Variants in PRH1 observed in about 807,000 individuals in gnomAD.
PRH1 encodes salivary acidic proline-rich phosphoprotein 1/2.
Under a neutral mutation model 7.9 loss-of-function variants are expected in PRH1, and 7 were observed. That is an observed-to-expected ratio of 0.89 (90% confidence interval 0.50 to 1.67). The LOEUF (loss-of-function observed/expected upper bound fraction) is 1.67. Among genes scored for constraint, PRH1 ranks in the 40% most tolerant of loss-of-function variants. The probability of loss-of-function intolerance (pLI) is 0.00; values close to 1 mark genes in which losing one functional copy is unlikely to be tolerated. For missense variants in PRH1, 109 were observed against 223.6 expected, an observed-to-expected ratio of 0.49 and a Z score of 3.27; for synonymous variants, 45 against 80.8, an observed-to-expected ratio of 0.56 and a Z score of 2.38.
chr12:11,061,742 A>C, intron 1 of PRH1: 1 of 1,614,090 alleles, frequency 6.2e-7, no homozygotes, highest in Non-Finnish European at 8.5e-7. Flanking sequence ...AAGGGAACTA[A>C]GTTTGCTAGG....
At chr12:11,015,539 A>C (rs1266331557) in intron 1 of PRH1, among the ~76,000 whole-genome samples, 1 of 152,210 alleles carries the variant, frequency 6.6e-6, no homozygotes, top group African/African-American at 2.4e-5. Context: ...AATTGCCTCC[A>C]GTAAACCAGA....
intron 1 of PRH1, among the ~76,000 whole-genome samples, chr12:10,976,839 A>G (rs1381359536): frequency 6.6e-6 from 1 of 152,168 alleles, no homozygotes; most frequent in Non-Finnish European, 1.5e-5. Context: ...ATTCCCGGGC[A>G]TATACAACCT....
At chr12:11,041,863 A>G (rs186301325) in intron 1 of PRH1, among the ~76,000 whole-genome samples, 1 of 152,330 alleles carries the variant, frequency 6.6e-6, no homozygotes, top group East Asian at 1.9e-4. Flanking sequence ...ATGAAACAAT[A>G]TGCTCCTGAA....
chr12:10,930,362 C>T lies in PRH1; in HGVS notation c.-59+43293G>A, dbSNP rs77915128. 5 of 1,565,182 alleles carry T rather than the reference C, an allele frequency of 3.2e-6. No homozygotes were observed. The African/African-American group carries it at 5.4e-5, about 17-fold the overall frequency. ...CTCCATTTTTCCCTGAAAAATTGAT[C>T]AGTTCTCCAGTGTCTTCTTATCATC... On this transcript the variant is annotated intron_variant, in intron 2 of 3. Transcript: ENST00000539853.
intron 2 of PRH1, among the ~76,000 whole-genome samples, chr12:10,949,629 A>G (rs1246010278): frequency 4.6e-5 from 7 of 152,172 alleles, no homozygotes; most frequent in African/African-American, 1.7e-4. Flanking sequence ...GTTTTGGCTT[A>G]ATTTTTTATT....
rs35831115 is a variant in PRH1 at position 11,034,194 on chromosome 12, C to A, written c.-126+12826G>T. Among the ~76,000 whole-genome samples, 4 of 32,296 alleles carry A rather than the reference C, an allele frequency of 1.2e-4. No homozygotes were observed. In the Admixed American group the frequency reaches 1.4e-3, roughly 11 times the overall value. 21.2% of individuals were successfully genotyped at this position (32,296 alleles called of 152,430 possible). A position where few individuals can be genotyped will look rare whatever the true frequency, so the allele number is the denominator to read the frequency against. On this transcript the variant is annotated intron_variant, in intron 1 of 3. Coordinates refer to the PRH1 transcript ENST00000539853. ...TGAAATTTAGTCACATAGTTGCAAGCACATGTGATTTTTTTTCACTTCTCT... is the reference window on the plus strand; with the variant it reads ...TGAAATTTAGTCACATAGTTGCAAGAACATGTGATTTTTTTTCACTTCTCT...
chr12:11,022,457 G>C lies in PRH1; in HGVS notation c.-126+24563C>G, dbSNP rs146593308. ...ATTTGCTCAGCTGAGGAGATCTTTC[G>C]TGTGTTAACCCAGTCAATGACATTT... On this transcript the variant is annotated intron_variant, in intron 1 of 3. Coordinates refer to the PRH1 transcript ENST00000539853. 6 of 1,613,934 alleles carry C rather than the reference G, an allele frequency of 3.7e-6. No homozygotes were observed. The African/African-American group carries it at 4.0e-5, about 11-fold the overall frequency.
intron 1 of PRH1, among the ~76,000 whole-genome samples, chr12:10,999,914 C>T (rs147635886): frequency 6.6e-6 from 1 of 152,082 alleles, no homozygotes; most frequent in East Asian, 1.9e-4. Context: ...TTTCTTTTCA[C>T]CTCTATATAC....
rs1350058087 is a variant in PRH1 at position 11,095,075 on chromosome 12, A to ATT, written n.124-47889_124-47888dup. Among the ~76,000 whole-genome samples, 91 of 39,242 alleles carry ATT rather than the reference A, an allele frequency of 2.3e-3. 6 individuals are homozygous for ATT. The highest frequency in any genetic ancestry group is 7.1e-3 in the African/African-American group (86 of 12,078). The allele number at this position is 39,242 out of a possible 152,430, so 25.7% of individuals were successfully genotyped here. On this transcript the variant is annotated intron_variant and non_coding_transcript_variant, in intron 1 of 4. Transcript: ENST00000541977. Reference sequence around the variant, plus strand: ...TTGTTTGTGGCTTCCTGAACTCAACATTATGTTTCTGAAATTTAGTCACAT... The same window carrying ATT: ...TTGTTTGTGGCTTCCTGAACTCAACATTTTATGTTTCTGAAATTTAGTCACAT...
chr12:10,886,683 G>A (rs1167784290), upstream of PRH1, among the ~76,000 whole-genome samples: 1 of 152,014 alleles, frequency 6.6e-6, no homozygotes, highest in African/African-American at 2.4e-5. Context: ...GGCCCTGAAG[G>A]GCCAGTCTTC....
At chr12:11,030,440 T>A in intron 1 of PRH1, 2 of 1,614,252 alleles carry the variant, frequency 1.2e-6, no homozygotes, top group Non-Finnish European at 1.7e-6. Context: ...TTTCACCCAG[T>A]ACCTCACTTG....
intron 1 of PRH1, among the ~76,000 whole-genome samples, chr12:11,169,861 A>G (rs1947760655): frequency 6.6e-6 from 1 of 152,218 alleles, no homozygotes; most frequent in African/African-American, 2.4e-5. Context: ...AAGTAGCAAA[A>G]GAATACTAGC....
At chr12:10,946,922 C>T (rs573251702) in intron 2 of PRH1, among the ~76,000 whole-genome samples, 55 of 152,164 alleles carry the variant, frequency 3.6e-4, no homozygotes, top group African/African-American at 1.2e-3. Context: ...TGTTTAATTT[C>T]CATGTAATTG....
At chr12:10,972,133 T>G (rs899848153) in intron 2 of PRH1, among the ~76,000 whole-genome samples, 29 of 152,136 alleles carry the variant, frequency 1.9e-4, no homozygotes, top group Admixed American at 1.8e-3. Flanking sequence ...TGTTGAAATA[T>G]AAAAATGTTT....
At chr12:10,942,480 G>A (rs972688702) in intron 2 of PRH1, among the ~76,000 whole-genome samples, 1 of 152,064 alleles carries the variant, frequency 6.6e-6, no homozygotes, top group African/African-American at 2.4e-5. Context: ...GCAGGTTGTC[G>A]TGGAAGTGAG....
chr12:10,984,506 T>A (rs918225820), intron 1 of PRH1, among the ~76,000 whole-genome samples: 1 of 152,162 alleles, frequency 6.6e-6, no homozygotes, highest in Admixed American at 6.5e-5. Flanking sequence ...AATTTACTTG[T>A]TCATCAAAAT....
At chr12:11,102,348 T>C (rs892309646) in intron 1 of PRH1, among the ~76,000 whole-genome samples, 4 of 152,130 alleles carry the variant, frequency 2.6e-5, no homozygotes, top group South Asian at 2.1e-4. Flanking sequence ...AACAGAGATA[T>C]AGACCAATGG....
At chr12:10,973,839 G>T in intron 1 of PRH1, 1 of 546,308 alleles carries the variant, frequency 1.8e-6, no homozygotes, top group Admixed American at 3.2e-5. Context: ...TAGGTGAAGA[G>T]TCAACTTATA....
chr12:11,031,329 T>C (rs1338348252), intron 1 of PRH1: 20 of 1,612,752 alleles, frequency 1.2e-5, no homozygotes, highest in Non-Finnish European at 9.3e-6. Flanking sequence ...GGTATAAAAG[T>C]TGTCATGTCT....
Sources: allele counts gnomAD v4.1 joint callset (sites outside exome capture counted in the v4.1 genomes callset), GRCh38; gene constraint gnomAD v4.1.1; transcripts MANE v1.5; gene names NCBI Gene and HGNC (gene_info 2026-07-23, HGNC 2026-07-21).